OXNAD1: variants seen among roughly 807,000 people sequenced by gnomAD.
The protein encoded by OXNAD1 is oxidoreductase NAD binding domain containing 1, also known as oxidoreductase NAD-binding domain-containing protein 1.
OXNAD1 carries 34 observed loss-of-function variants against 32.9 expected under a neutral mutation model. The ratio of observed to expected loss-of-function variants is 1.03; its 90% confidence interval spans 0.79 to 1.38. The LOEUF (loss-of-function observed/expected upper bound fraction) is 1.38, where lower values mean the gene tolerates loss of function less well. Ranked by LOEUF, OXNAD1 falls within the 40% of genes most tolerant of loss-of-function variation. OXNAD1 has a pLI of 0.00. For missense variants in OXNAD1, 407 were observed against 379.4 expected (o/e 1.07, Z -0.60); for synonymous variants, 134 against 135.2 (o/e 0.99, Z 0.06).
At chr3:16,331,141 C>T (rs575202699) in intron 9 of OXNAD1, among the ~76,000 whole-genome samples, 2 of 152,324 alleles carry the variant, frequency 1.3e-5, no homozygotes, top group South Asian at 4.1e-4. Context: ...TTCCTGACAT[C>T]CACAGGACTG....
intron 9 of OXNAD1, chr3:16,326,677 G>A: frequency 3.3e-6 from 3 of 913,208 alleles, no homozygotes; most frequent in Non-Finnish European, 5.1e-6. Flanking sequence ...TCTTGCACAG[G>A]ATTAAATAAT....
In OXNAD1 at chr3:16,312,775, C is replaced by A. The variant is rs939242629; in HGVS notation, c.*30+9183C>A. 2.6e-5 allele frequency among the ~76,000 whole-genome samples: 4 copies of A among 152,112 alleles called. No homozygotes were observed. The highest frequency in any genetic ancestry group is 9.7e-5 in the African/African-American group (4 of 41,424). ...GCTTCATAAGAAATAAATTAGAATA[C>A]CTCCTGCTAATGTTTTTGGAAGCTG... is the stretch of plus-strand genomic sequence containing the variant. On this transcript the variant is annotated intron_variant, in intron 9 of 9. Coordinates refer to the OXNAD1 transcript ENST00000435829. The surrounding 1 kb of genome is among the most constrained non-coding windows in gnomAD (Gnocchi z 4.7).
In OXNAD1 at chr3:16,298,902, T is replaced by C. The variant is rs1344429448; in HGVS notation, c.433-2724T>C. ...ACAGTGTACAGTACTTTGAGTCTTG[T>C]GTTCGTGTTACCCTCGCAGTTTTTA... On this transcript the variant is annotated intron_variant, in intron 6 of 8. Transcript: ENST00000285083. The surrounding 1 kb of genome is among the most constrained non-coding windows in gnomAD (Gnocchi z 5.1). Among the ~76,000 whole-genome samples, 1 of 152,238 alleles carries C rather than the reference T, an allele frequency of 6.6e-6. No individual in the cohort carries two copies. The highest frequency in any genetic ancestry group is 6.5e-5 in the Admixed American group (1 of 15,284).
At position 16,334,274 on chromosome 3, in the gene OXNAD1, A is replaced by G. The variant is rs1056684498; in HGVS notation, c.*31-2838A>G. Reference sequence around the variant, plus strand: ...AGTTAGGCAGCCCGCTTTGTTGCCAAGGCCGTGGGGAAGCATGCGTTCTTG... The same window carrying G: ...AGTTAGGCAGCCCGCTTTGTTGCCAGGGCCGTGGGGAAGCATGCGTTCTTG... On this transcript the variant is annotated intron_variant, in intron 9 of 9. Transcript: ENST00000435829. The surrounding 1 kb of genome is among the most constrained non-coding windows in gnomAD (Gnocchi z 4.3). 8.5e-5 allele frequency among the ~76,000 whole-genome samples: 13 copies of G among 152,230 alleles called. No individual in the cohort carries two copies. The highest frequency in any genetic ancestry group is 1.6e-4 in the Non-Finnish European group (11 of 68,036).
At position 16,324,438 on chromosome 3, in the gene OXNAD1, C is replaced by T. The variant is rs114373787; in HGVS notation, c.*31-12674C>T. ...GATCAACATCTCTCGTTTGCCCATC[C>T]GCCCCACTCCCCAGCCTCTGGTAAA... On this transcript the variant is annotated intron_variant, in intron 9 of 9. Transcript: ENST00000435829. Among the ~76,000 whole-genome samples the T allele has an allele frequency of 4.6e-3, 702 of 152,182 alleles. 3 individuals are homozygous for T. The highest frequency in any genetic ancestry group is 0.016 in the African/African-American group (654 of 41,514).
At chr3:16,351,241 T>G (rs1003011409), downstream of OXNAD1, among the ~76,000 whole-genome samples, 4 of 152,258 alleles carry the variant, frequency 2.6e-5, no homozygotes, top group East Asian at 7.7e-4. This position sits in a 1 kb window ranked among gnomAD's most constrained non-coding sequence, Gnocchi z 5.4. Context: ...GTGGAGAGAT[T>G]CCTGCAGCGC....
chr3:16,279,372 T>TG, intron 4 of OXNAD1, among the ~76,000 whole-genome samples: 1 of 152,196 alleles, frequency 6.6e-6, no homozygotes, highest in South Asian at 2.1e-4. Flanking sequence ...GGAGGCTCCT[T>TG]GGGGAAAGGC....
chr3:16,332,727 A>G (rs1160026813), intron 9 of OXNAD1, among the ~76,000 whole-genome samples: 2 of 152,176 alleles, frequency 1.3e-5, no homozygotes, highest in Non-Finnish European at 2.9e-5. Flanking sequence ...TCATTTTGCT[A>G]AATTAGTTAG....
At chr3:16,282,219 T>C (rs2125026161) in intron 4 of OXNAD1, among the ~76,000 whole-genome samples, 1 of 152,068 alleles carries the variant, frequency 6.6e-6, no homozygotes, top group Admixed American at 6.5e-5. Context: ...TACTTGTCTT[T>C]GTAATAAGAT....
rs2071744609 is a variant in OXNAD1 at position 16,346,704 on chromosome 3, T to A, written c.*31-2472T>A. Among the ~76,000 whole-genome samples the A allele has an allele frequency of 6.6e-6, 1 of 152,186 alleles. No homozygotes were observed. The highest frequency in any genetic ancestry group is 1.5e-5 in the Non-Finnish European group (1 of 68,030). ...CTCTGTTGTGGGTTTCTGGGAAAGC[T>A]TTTACTTGCTAATAAAAAGGGACGT... On this transcript the variant is annotated intron_variant, in intron 9 of 9. Coordinates refer to the OXNAD1 transcript ENST00000606098. This position sits in a 1 kb window ranked among gnomAD's most constrained non-coding sequence, Gnocchi z 4.4.
At chr3:16,347,723 G>A (rs1055410381) in intron 9 of OXNAD1, 33 of 152,226 alleles carry the variant, frequency 2.2e-4, no homozygotes, top group African/African-American at 8.0e-4. Flanking sequence ...GGAGGATTCA[G>A]TCTTTACTAT....
intron 9 of OXNAD1, among the ~76,000 whole-genome samples, chr3:16,332,892 T>C (rs915825429): frequency 1.3e-5 from 2 of 152,232 alleles, no homozygotes; most frequent in Non-Finnish European, 2.9e-5. Flanking sequence ...AGCTATGTTC[T>C]GTAAAGTCAT....
downstream of OXNAD1, among the ~76,000 whole-genome samples, chr3:16,307,878 T>C (rs2125115220): frequency 6.6e-6 from 1 of 152,328 alleles, no homozygotes; most frequent in Non-Finnish European, 1.5e-5. Flanking sequence ...ACAGTACAGC[T>C]AAATTGGTAC....
In OXNAD1 at chr3:16,281,560, G is replaced by C. The variant is rs1430312162; in HGVS notation, c.184-4782G>C. ...AAACACTTCCGGTCCAAGCATTTCAGGTAAGGGATACTCAGCCTGTCATAC... is the reference window on the plus strand; with the variant it reads ...AAACACTTCCGGTCCAAGCATTTCACGTAAGGGATACTCAGCCTGTCATAC... On this transcript the variant is annotated intron_variant, in intron 4 of 8. Transcript: ENST00000285083. 2.6e-5 allele frequency among the ~76,000 whole-genome samples: 4 copies of C among 152,270 alleles called. No individual in the cohort carries two copies. The East Asian group carries it at 5.8e-4, about 22-fold the overall frequency.
intron 6 of OXNAD1, among the ~76,000 whole-genome samples, chr3:16,300,292 A>G (rs983068445): frequency 2.6e-5 from 4 of 152,246 alleles, no homozygotes; most frequent in Non-Finnish European, 5.9e-5. Context: ...ATTTTAAAAT[A>G]TAAATGGTTA....
Position 16,322,689 on chromosome 3 carries a change from C to T in OXNAD1, c.*31-14423C>T, listed in dbSNP as rs560860050. ...GGCACAAGGGTTGCCGACACTTGCA[C>T]CTCGTACAGCCCTTGTGCTCAACCT... On this transcript the variant is annotated intron_variant, in intron 9 of 9. Coordinates refer to the OXNAD1 transcript ENST00000435829. The surrounding 1 kb of genome is among the most constrained non-coding windows in gnomAD (Gnocchi z 6.2). Among the ~76,000 whole-genome samples the T allele has an allele frequency of 6.6e-6, 1 of 152,310 alleles. No homozygotes were observed. The highest frequency in any genetic ancestry group is 2.1e-4 in the South Asian group (1 of 4,828).
chr3:16,311,352 C>T (rs938894896), intron 9 of OXNAD1, among the ~76,000 whole-genome samples: 28 of 152,010 alleles, frequency 1.8e-4, no homozygotes, highest in African/African-American at 5.6e-4. Context: ...CATGCCACCA[C>T]GCCTAATTTT....
Position 16,301,358 on chromosome 3 carries a change from TAACA to T in OXNAD1, c.433-265_433-262del, listed in dbSNP as rs1415096748. On this transcript the variant is annotated intron_variant, in intron 6 of 8. Transcript: ENST00000285083. The surrounding 1 kb of genome is among the most constrained non-coding windows in gnomAD (Gnocchi z 4.1). ...CAATCCAGTTCATCGCCTAAGAAGT[TAACA>T]AATGGTGAAATCACTGAAGCACATC... is the stretch of plus-strand genomic sequence containing the variant. 6.6e-6 allele frequency among the ~76,000 whole-genome samples: 1 copy of T among 152,220 alleles called. No individual in the cohort carries two copies. Among genetic ancestry groups the T allele is most frequent in the Non-Finnish European group, 1.5e-5 (1 of 68,042 alleles).
At chr3:16,306,831 G>A (rs1312273638), downstream of OXNAD1, among the ~76,000 whole-genome samples, 3 of 152,126 alleles carry the variant, frequency 2.0e-5, no homozygotes. Context: ...CATCACATGA[G>A]GCATATAATG....
Sources: allele counts gnomAD v4.1 joint callset (sites outside exome capture counted in the v4.1 genomes callset), GRCh38; gene constraint gnomAD v4.1.1; non-coding constraint Gnocchi (gnomAD v3.1); transcripts MANE v1.5; gene names NCBI Gene and HGNC (gene_info 2026-07-23, HGNC 2026-07-21).